The following PLA2G4D variants were observed in gnomAD, a reference collection of about 807,000 sequenced individuals.
The protein encoded by PLA2G4D is cytosolic phospholipase A2 delta.
A neutral mutation model predicts 94.4 loss-of-function variants in PLA2G4D; 80 were observed. The ratio of observed to expected loss-of-function variants is 0.85; its 90% CI spans 0.71 to 1.02. The LOEUF (loss-of-function observed/expected upper bound fraction) is 1.02, where lower values mean the gene tolerates loss of function less well. PLA2G4D is among the 50% of genes least tolerant of loss of function. PLA2G4D has a pLI of 0.00. For missense variants in PLA2G4D, 1,050 were observed against 1,034.7 expected, an observed-to-expected ratio of 1.01 and a Z score of -0.20; for synonymous variants, 438 against 440.9, an observed-to-expected ratio of 0.99 and a Z score of 0.08.
Position 42,086,194 on chromosome 15 carries a change from T to TGGGGGGGGCGGCC in PLA2G4D, c.387+18_387+19insGGCCGCCCCCCCC. The TGGGGGGGGCGGCC allele has an allele frequency of 7.3e-7, 1 of 1,370,442 alleles. No individual in the cohort carries two copies. Among genetic ancestry groups the TGGGGGGGGCGGCC allele is most frequent in the Non-Finnish European group, 9.6e-7 (1 of 1,043,082 alleles). The allele number at this position is 1,370,442 out of a possible 1,614,324, so 84.9% of individuals were successfully genotyped here. A position where few individuals can be genotyped will look rare whatever the true frequency, so the allele number is the denominator to read the frequency against. On this transcript the variant is annotated intron_variant, in intron 4 of 19. Coordinates refer to ENST00000290472, the MANE Select transcript of PLA2G4D (RefSeq NM_178034.4). ...GGAAGAAGTGGGGCCCACGGGGACT[T>TGGGGGGGGCGGCC]CCCCACCCACCCACCCACCTGGGGA... is the stretch of plus-strand genomic sequence containing the variant.
chr15:42,078,567 AGAATAAT>A (rs1321968538), intron 13 of PLA2G4D, among the ~76,000 whole-genome samples: 3 of 152,258 alleles, frequency 2.0e-5, no homozygotes, highest in African/African-American at 7.2e-5. Flanking sequence ...TTAACCGGTA[AGAATAAT>A]ATTTAAAGAA....
intron 18 of PLA2G4D, 149 bp from the exon 19 acceptor site, chr15:42,070,244 GGA>G (rs1249782409): frequency 1.3e-6 from 1 of 743,794 alleles, no homozygotes; most frequent in Non-Finnish European, 2.0e-6. Flanking sequence ...TGACTCGGAG[GGA>G]GACCCAGGGG....
chr15:42,093,371 C>A (rs1383386465), intron 1 of PLA2G4D, among the ~76,000 whole-genome samples: 1 of 152,204 alleles, frequency 6.6e-6, no homozygotes, highest in Non-Finnish European at 1.5e-5. Flanking sequence ...GGGAAAGGGG[C>A]ACAGCCTTCG....
chr15:42,073,913 A>G (rs1889873593), intron 13 of PLA2G4D, among the ~76,000 whole-genome samples: 1 of 152,156 alleles, frequency 6.6e-6, no homozygotes, highest in Admixed American at 6.5e-5. Flanking sequence ...TGTCAACCAC[A>G]GTCATCCTTC....
intron 5 of PLA2G4D, 129 bp downstream of exon 5, chr15:42,085,362 C>G: frequency 1.7e-6 from 2 of 1,182,058 alleles, no homozygotes; most frequent in Non-Finnish European, 2.5e-6. Context: ...GCCCCACTCC[C>G]GACCTCTCTG....
In PLA2G4D at chr15:42,079,772, G is replaced by A. The variant is rs774127881; in HGVS notation, c.1095-13C>T. The stretch of plus-strand genomic sequence containing the variant: ...GTGGGCCATTGTCCTGGAAGAACGA[G>A]GGGACAGAACAGTAGGAGCCCGAGG... On this transcript the variant is annotated splice_polypyrimidine_tract_variant and intron_variant, in intron 12 of 19. Transcript: ENST00000290472. 1 of 1,597,902 alleles carries A rather than the reference G, an allele frequency of 6.3e-7. No individual in the cohort carries two copies. Among genetic ancestry groups the A allele is most frequent in the East Asian group, 2.3e-5 (1 of 43,570 alleles).
intron 18 of PLA2G4D, 66 bp from the exon 19 acceptor site, chr15:42,070,161 C>T: frequency 7.4e-7 from 1 of 1,350,826 alleles, no homozygotes; most frequent in Non-Finnish European, 9.7e-7. Flanking sequence ...CCAGTTCCAG[C>T]CCACACCAGC....
intron 18 of PLA2G4D, 159 bp downstream of exon 18, chr15:42,070,558 C>T (rs1028592453): frequency 4.2e-6 from 4 of 944,476 alleles, no homozygotes; most frequent in Admixed American, 5.8e-5. Context: ...CCAGCCTTCC[C>T]ACCTAAGGAC....
intron 1 of PLA2G4D, among the ~76,000 whole-genome samples, chr15:42,092,906 G>A (rs1481819667): frequency 6.6e-6 from 1 of 152,186 alleles, no homozygotes; most frequent in African/African-American, 2.4e-5. Context: ...AGAGAGAAAT[G>A]AGCAGACCCA....
At chr15:42,085,365 C>A in intron 5 of PLA2G4D, 126 bp downstream of exon 5, 1 of 1,198,244 alleles carries the variant, frequency 8.3e-7, no homozygotes, top group Non-Finnish European at 1.2e-6. Flanking sequence ...CCACTCCCGA[C>A]CTCTCTGGCA....
At position 42,079,598 on chromosome 15, in the gene PLA2G4D, C is replaced by T; in HGVS notation, c.1256G>A (p.Gly419Asp). ...CAGGTCCACAAAGGTCGTGGGGTGG[C>T]CCTGCTCAGCCCGCAGCTCCAGCTC... ...RRELELRAEQGHPTTFVDLWA... is the reference protein window; with the variant it reads ...RRELELRAEQDHPTTFVDLWA... The change falls in exon 13 of 20, where the codon GGC (glycine) becomes GAC (aspartate). Residue 419 changes from glycine (G) to aspartate (D), a missense_variant. Transcript: ENST00000290472. 6.2e-7 allele frequency: 1 copy of T among 1,610,090 alleles called. No individual in the cohort carries two copies. Among genetic ancestry groups the T allele is most frequent in the Non-Finnish European group, 8.5e-7 (1 of 1,178,848 alleles).
At chr15:42,077,331 C>T (rs750745131) in intron 13 of PLA2G4D, among the ~76,000 whole-genome samples, 2 of 152,244 alleles carry the variant, frequency 1.3e-5, no homozygotes, top group African/African-American at 2.4e-5. Flanking sequence ...CAAAAGTTCT[C>T]GACAAAATAC....
chr15:42,086,194 T>TGGGGGGGGGGGGGGCCG lies in PLA2G4D; in HGVS notation c.387+18_387+19insCGGCCCCCCCCCCCCCC. The TGGGGGGGGGGGGGGCCG allele has an allele frequency of 2.2e-6, 3 of 1,370,442 alleles. No individual in the cohort carries two copies. Among genetic ancestry groups the TGGGGGGGGGGGGGGCCG allele is most frequent in the Non-Finnish European group, 2.9e-6 (3 of 1,043,082 alleles). 84.9% of individuals were successfully genotyped at this position (1,370,442 alleles called of 1,614,324 possible). ...GGAAGAAGTGGGGCCCACGGGGACT[T>TGGGGGGGGGGGGGGCCG]CCCCACCCACCCACCCACCTGGGGA... is the stretch of plus-strand genomic sequence containing the variant. On this transcript the variant is annotated intron_variant, in intron 4 of 19. Coordinates refer to ENST00000290472, the MANE Select transcript of PLA2G4D (RefSeq NM_178034.4).
chr15:42,072,234 G>A (rs933644318), intron 14 of PLA2G4D, 41 bp downstream of exon 14: 10 of 1,520,978 alleles, frequency 6.6e-6, no homozygotes, highest in Admixed American at 1.7e-5. Flanking sequence ...CAGAGGGTTT[G>A]GGGGGTGGAG....
chr15:42,068,968 G>C lies in PLA2G4D; in HGVS notation c.2231-27C>G, dbSNP rs752674269. 3 of 1,588,792 alleles carry C rather than the reference G, an allele frequency of 1.9e-6. No individual in the cohort carries two copies. In the East Asian group the frequency reaches 6.8e-5, roughly 36 times the overall value. On this transcript the variant is annotated intron_variant, in intron 19 of 19. Transcript: ENST00000290472. ...TGCCCAGGGGTAGGAGGGGTGTCAG[G>C]AGCAGGACGCCGGGGCTTCTACAGC...
At chr15:42,093,183 C>A (rs180989646) in intron 1 of PLA2G4D, among the ~76,000 whole-genome samples, 6 of 152,356 alleles carry the variant, frequency 3.9e-5, no homozygotes, top group African/African-American at 1.4e-4. Context: ...GCTTGCCAAC[C>A]ACAGGAACCG....
At position 42,071,520 on chromosome 15, in the gene PLA2G4D, C is replaced by T. The variant is rs1889817406; in HGVS notation, c.1605G>A (p.Leu535=). Residue 535 remains leucine, a synonymous_variant, in exon 16 of 20, where the codon CTG becomes CTA. Coordinates refer to ENST00000290472, the MANE Select transcript of PLA2G4D (RefSeq NM_178034.4). ...TGGTGAGGTCATACCAGGCATCCAG[C>T]AGGTTCAGGGAGAAAATGTTGCTCC... ...AIWSNIFSLN[L]LDAWYDLTSS... 1.9e-6 allele frequency: 3 copies of T among 1,613,944 alleles called. No individual in the cohort carries two copies. The highest frequency in any genetic ancestry group is 4.5e-5 in the East Asian group (2 of 44,872).
chr15:42,076,919 T>C (rs891742013), intron 13 of PLA2G4D, among the ~76,000 whole-genome samples: 4 of 152,202 alleles, frequency 2.6e-5, no homozygotes, highest in Non-Finnish European at 4.4e-5. Flanking sequence ...AAATTGTTCA[T>C]GCAAATAATA....
intron 8 of PLA2G4D, among the ~76,000 whole-genome samples, chr15:42,082,672 A>G (rs1393454007): frequency 6.6e-6 from 1 of 152,184 alleles, no homozygotes. Flanking sequence ...GACAGTTTCT[A>G]ATGCAACCAA....
Sources: allele counts gnomAD v4.1 joint callset (sites outside exome capture counted in the v4.1 genomes callset), GRCh38; gene constraint gnomAD v4.1.1; transcripts MANE v1.5; gene names NCBI Gene and HGNC (gene_info 2026-07-23, HGNC 2026-07-21).